The following UNC79 variants were observed in gnomAD, a reference collection of about 807,000 sequenced individuals.
UNC79 encodes protein unc-79 homolog.
UNC79 carries 37 observed loss-of-function variants against 283.1 expected under a neutral mutation model. The ratio of observed to expected loss-of-function variants is 0.13; its 90% CI spans 0.10 to 0.17. The LOEUF is 0.17. UNC79 is among the 10% of genes least tolerant of loss of function. UNC79 has a pLI of 1.00. For missense variants in UNC79, 2,272 were observed against 3,211.1 expected (o/e 0.71, Z 7.07); for synonymous variants, 1,107 against 1,200.2 (o/e 0.92, Z 1.61).
intron 24 of UNC79, among the ~76,000 whole-genome samples, chr14:93,598,402 GTGTGT>G (rs754852457): frequency 5.9e-5 from 9 of 151,374 alleles, no homozygotes; most frequent in Middle Eastern, 3.4e-3. Context: ...GTGTGTGTGT[GTGTGT>G]GTGGCAGATT....
At chr14:93,476,883 G>C (rs1290855294) in intron 3 of UNC79, among the ~76,000 whole-genome samples, 2 of 152,120 alleles carry the variant, frequency 1.3e-5, no homozygotes, top group Non-Finnish European at 2.9e-5. Flanking sequence ...TATTTGTGGA[G>C]CACACAGTAT....
intron 14 of UNC79, among the ~76,000 whole-genome samples, chr14:93,566,639 ATT>A (rs33917214): frequency 4.4e-5 from 6 of 136,254 alleles, no homozygotes; most frequent in African/African-American, 8.3e-5. Flanking sequence ...AGTTTCTGGA[ATT>A]TTTTTTTTTT....
At chr14:93,597,516 C>T in exon 24 of UNC79, 1 of 1,613,216 alleles carries the variant, frequency 6.2e-7, no homozygotes, top group Non-Finnish European at 8.5e-7. Flanking sequence ...TCCTGCTTGA[C>T]ACCATAAAGA....
exon 21 of UNC79, chr14:93,586,647 C>T: frequency 6.2e-7 from 1 of 1,613,950 alleles, no homozygotes; most frequent in Non-Finnish European, 8.5e-7. Context: ...CTTCCGGTAA[C>T]ATTGAGACTA....
chr14:93,679,608 G>A (rs2073665355), intron 41 of UNC79, among the ~76,000 whole-genome samples: 1 of 152,238 alleles, frequency 6.6e-6, no homozygotes, highest in Non-Finnish European at 1.5e-5. Flanking sequence ...CAGAGAACTG[G>A]TGGAGGAACA....
At chr14:93,576,982 C>CA (rs1401535840) in intron 17 of UNC79, among the ~76,000 whole-genome samples, 1 of 141,032 alleles carries the variant, frequency 7.1e-6, no homozygotes, top group Non-Finnish European at 1.6e-5. Context: ...CTTGTCTCTA[C>CA]AAAAAAATTT....
At chr14:93,549,316 A>G (rs1471846751) in intron 14 of UNC79, among the ~76,000 whole-genome samples, 1 of 152,224 alleles carries the variant, frequency 6.6e-6, no homozygotes, top group Non-Finnish European at 1.5e-5. Context: ...TCAAATCTGT[A>G]TATTCTATAA....
chr14:93,348,484 G>A (rs760242257), intron 1 of UNC79: 1 of 183,228 alleles, frequency 5.5e-6, no homozygotes, highest in Non-Finnish European at 1.1e-5. Context: ...TGTATCTAGT[G>A]ACATCACCCT....
intron 47 of UNC79, among the ~76,000 whole-genome samples, chr14:93,702,504 G>C (rs2075604113): frequency 6.6e-6 from 1 of 152,162 alleles, no homozygotes; most frequent in Non-Finnish European, 1.5e-5. Context: ...TCAAACAACA[G>C]CCAGATTTAG....
intron 22 of UNC79, among the ~76,000 whole-genome samples, chr14:93,591,659 A>T (rs1010135636): frequency 1.3e-5 from 2 of 152,246 alleles, no homozygotes; most frequent in Non-Finnish European, 2.9e-5. Context: ...AAGCTATGGT[A>T]CATGTCAAGC....
Position 93,521,351 on chromosome 14 carries a change from C to T in UNC79, c.899-2627C>T, listed in dbSNP as rs77934867. Among the ~76,000 whole-genome samples the T allele has an allele frequency of 3.3e-3, 502 of 152,056 alleles. 9 individuals are homozygous for T. In the South Asian group the frequency reaches 0.049, roughly 15 times the overall value. ...ACATACATTTTACTTAGTATAAAGC[C>T]AAAGACTCAAAAGGACTCCTATTTA... On this transcript the variant is annotated intron_variant, in intron 7 of 48. Coordinates refer to ENST00000555664, the Ensembl canonical transcript of UNC79.
At chr14:93,671,450 T>C (rs922769375) in intron 40 of UNC79, among the ~76,000 whole-genome samples, 2 of 151,948 alleles carry the variant, frequency 1.3e-5, no homozygotes, top group African/African-American at 4.8e-5. Context: ...ATCCAGAATA[T>C]ACAAGGAACT....
rs140300516 is a variant in UNC79 at position 93,339,368 on chromosome 14, C to T, written c.-351+5845C>T. Among the ~76,000 whole-genome samples, 69 of 152,066 alleles carry T rather than the reference C, an allele frequency of 4.5e-4. 1 individual carries two copies. In the East Asian group the frequency reaches 0.011, roughly 23 times the overall value. ...AGGCTGGAGTGCAGTGGCGTGATCTCGGCTCACTGCAAGCTCCACCTCCCG... is the reference window on the plus strand; with the variant it reads ...AGGCTGGAGTGCAGTGGCGTGATCTTGGCTCACTGCAAGCTCCACCTCCCG... On this transcript the variant is annotated intron_variant, in intron 1 of 49. Coordinates refer to the UNC79 transcript ENST00000256339.
chr14:93,692,463 T>C (rs1282038084), intron 46 of UNC79, among the ~76,000 whole-genome samples: 1 of 152,222 alleles, frequency 6.6e-6, no homozygotes, highest in East Asian at 1.9e-4. Flanking sequence ...GATGCTATAA[T>C]GTCAGAGGGT....
At chr14:93,388,616 A>G (rs1031919126) in intron 1 of UNC79, among the ~76,000 whole-genome samples, 2 of 152,224 alleles carry the variant, frequency 1.3e-5, no homozygotes, top group Admixed American at 6.5e-5. Context: ...ATTACTCTGC[A>G]TCTTCATCAA....
chr14:93,517,012 G>A (rs1424804735), intron 7 of UNC79, among the ~76,000 whole-genome samples: 2 of 151,674 alleles, frequency 1.3e-5, no homozygotes, highest in African/African-American at 2.4e-5. Context: ...TTGTTTATTG[G>A]TACTCTACAA....
chr14:93,496,221 G>C (rs1378926171), intron 5 of UNC79, among the ~76,000 whole-genome samples, 190 bp from the exon 6 acceptor site: 1 of 151,928 alleles, frequency 6.6e-6, no homozygotes, highest in African/African-American at 2.4e-5. Flanking sequence ...AAGGACCTTG[G>C]GACAAAGCTT....
chr14:93,475,879 C>T lies in UNC79; in HGVS notation c.448+1486C>T, dbSNP rs138085989. On this transcript the variant is annotated intron_variant, in intron 3 of 48. Transcript: ENST00000555664. ...ATTTGTATTTTTGCTCTTGTACCTG[C>T]GGCTGTTTTGTGACTTTGTGACATT... Among the ~76,000 whole-genome samples, 44 of 152,272 alleles carry T rather than the reference C, an allele frequency of 2.9e-4. No individual in the cohort carries two copies. In the South Asian group the frequency reaches 4.6e-3, roughly 16 times the overall value.
At chr14:93,577,039 A>G (rs2063515374) in intron 17 of UNC79, among the ~76,000 whole-genome samples, 1 of 151,470 alleles carries the variant, frequency 6.6e-6, no homozygotes, top group African/African-American at 2.4e-5. Context: ...CTACAAAAAA[A>G]TTTTCAAAAA....
Sources: gnomAD v4.1 joint callset for allele counts (sites outside exome capture counted in the v4.1 genomes callset) on GRCh38, gnomAD v4.1.1 for gene constraint, MANE v1.5 for transcripts, NCBI Gene and HGNC (gene_info 2026-07-23, HGNC 2026-07-21) for gene names.